Variants in SEC61G observed in about 807,000 individuals in gnomAD.
SEC61G encodes the protein SEC61 translocon subunit gamma.
A neutral mutation model predicts 7.5 loss-of-function variants in SEC61G; 4 were observed. The observed-to-expected ratio is 0.54, with a 90% CI of 0.26 to 1.22. The LOEUF is 1.22. Ranked by LOEUF, SEC61G falls within the 50% of genes most tolerant of loss-of-function variation. The probability of loss-of-function intolerance (pLI) is 0.12; values close to 1 mark genes in which losing one functional copy is unlikely to be tolerated. For missense variants in SEC61G, 53 were observed against 84.6 expected (o/e 0.63, Z 1.46); for synonymous variants, 24 against 24.4 (o/e 0.98, Z 0.05).
At chr7:54,757,969 C>A (rs141124218) in intron 1 of SEC61G, among the ~76,000 whole-genome samples, 1,576 of 152,250 alleles carry the variant, frequency 0.01, 26 homozygotes, top group African/African-American at 0.035. Flanking sequence ...GTCCCCTCAC[C>A]GCTCCTAAGG....
At position 54,752,435 on chromosome 7, in the gene SEC61G, A is replaced by C. The variant is rs1791432832; in HGVS notation, c.198-15T>G. 1 of 1,468,384 alleles carries C rather than the reference A, an allele frequency of 6.8e-7. No individual in the cohort carries two copies. The highest frequency in any genetic ancestry group is 9.3e-7 in the Non-Finnish European group (1 of 1,070,894). The allele number at this position is 1,468,384 out of a possible 1,614,324, so 91.0% of individuals were successfully genotyped here. A position where few individuals can be genotyped will look rare whatever the true frequency, so the allele number is the denominator to read the frequency against. On this transcript the variant is annotated splice_polypyrimidine_tract_variant and intron_variant, in intron 3 of 3. Coordinates refer to ENST00000352861, the MANE Select transcript of SEC61G (RefSeq NM_014302.4). ...TTCAGCCACCACTGTAAAAGAAAGA[A>C]AAATTATTACTTCTGAGCATAGATA...
Position 54,757,506 on chromosome 7 carries a change from G to C in SEC61G, c.83C>G (p.Pro28Arg). 6.2e-7 allele frequency: 1 copy of C among 1,613,572 alleles called. No individual in the cohort carries two copies. Among genetic ancestry groups the C allele is most frequent in the Admixed American group, 1.7e-5 (1 of 60,012 alleles). Residue 28 changes from proline (P) to arginine (R), a missense_variant, in exon 2 of 4, where the codon CCT (proline) becomes CGT (arginine). Physicochemically the swap from Pro to Arg is moderately radical, Grantham distance 103. Coordinates refer to ENST00000352861, the MANE Select transcript of SEC61G (RefSeq NM_014302.4). The part of the protein sequence containing the change: ...SIRLVKRCTK[P>R]DRKEFQKIAM... ...AGTCAAGCAATTACCTTTTCTATCA[G>C]GTTTAGTGCATCTTTTAACCAGCCG...
At chr7:54,752,547 A>C in intron 3 of SEC61G, 127 bp from the exon 4 acceptor site, 1 of 523,974 alleles carries the variant, frequency 1.9e-6, no homozygotes, top group Non-Finnish European at 3.3e-6. Flanking sequence ...ACCTAACTTC[A>C]TCTAAAGATG....
At chr7:54,758,379 T>C (rs1562770184) in intron 1 of SEC61G, among the ~76,000 whole-genome samples, 1 of 152,334 alleles carries the variant, frequency 6.6e-6, no homozygotes, top group South Asian at 2.1e-4. Context: ...TTTTCCTCCA[T>C]TTCCAGTACT....
intron 3 of SEC61G, among the ~76,000 whole-genome samples, chr7:54,753,225 G>A (rs1275273795): frequency 2.0e-5 from 3 of 151,988 alleles, no homozygotes; most frequent in Non-Finnish European, 4.4e-5. Context: ...CCTGGGAGGC[G>A]GAGGCTGCAA....
rs544856496 is a variant in SEC61G, at chr7:54,755,995, G to A, written c.95-114C>T. The A allele has an allele frequency of 1.9e-5, 9 of 481,218 alleles. No individual in the cohort carries two copies. In the South Asian group the frequency reaches 2.9e-4, roughly 15 times the overall value. 29.8% of individuals were successfully genotyped at this position (481,218 alleles called of 1,614,324 possible). A position where few individuals can be genotyped will look rare whatever the true frequency, so the allele number is the denominator to read the frequency against. On this transcript the variant is annotated intron_variant, in intron 2 of 3. Coordinates refer to ENST00000352861, the MANE Select transcript of SEC61G (RefSeq NM_014302.4). ...CTAGTATACATTTCTCCTGTTAATA[G>A]ATATATAATTTAAAAATAAAAAGGT...
chr7:54,755,694 C>A, intron 3 of SEC61G, 85 bp downstream of exon 3: 1 of 668,640 alleles, frequency 1.5e-6, no homozygotes, highest in Admixed American at 2.8e-5. Context: ...AGAGATGCAT[C>A]TCTATATTAA....
At chr7:54,757,655 T>C (rs1451320782) in intron 1 of SEC61G, 61 bp from the exon 2 acceptor site, 1 of 1,359,536 alleles carries the variant, frequency 7.4e-7, no homozygotes, top group Non-Finnish European at 1.0e-6. Context: ...CACTTGCTCA[T>C]TTATATAAAG....
At chr7:54,755,066 G>C (rs888813942) in intron 3 of SEC61G, 2 of 152,128 alleles carry the variant, frequency 1.3e-5, no homozygotes, top group Admixed American at 6.6e-5. Flanking sequence ...ATTGCTCAAT[G>C]CCACAAGGTG....
intron 3 of SEC61G, 143 bp from the exon 4 acceptor site, chr7:54,752,563 A>C: frequency 2.0e-6 from 1 of 507,340 alleles, no homozygotes; most frequent in South Asian, 4.1e-5. Context: ...AGATGGCATA[A>C]AAGAATGGCA....
At chr7:54,759,211 T>TG (rs764953944), upstream of SEC61G, 1 of 519,064 alleles carries the variant, frequency 1.9e-6, no homozygotes, top group East Asian at 5.4e-5. Context: ...AGCTTGCTGA[T>TG]GGAGGCCCAC....
chr7:54,756,142 A>T (rs1436566148), intron 2 of SEC61G, among the ~76,000 whole-genome samples: 1 of 152,210 alleles, frequency 6.6e-6, no homozygotes, highest in African/African-American at 2.4e-5. Context: ...AGTACTAAAA[A>T]TATTTTTTCT....
chr7:54,753,683 A>T (rs1010414926), intron 3 of SEC61G, among the ~76,000 whole-genome samples: 4 of 152,210 alleles, frequency 2.6e-5, no homozygotes, highest in African/African-American at 9.7e-5. Context: ...GTTAAGGTAA[A>T]AAATATCTAA....
chr7:54,756,965 CTATATATACTATAT>C (rs1030502845), intron 2 of SEC61G, among the ~76,000 whole-genome samples: 20 of 139,946 alleles, frequency 1.4e-4, no homozygotes, highest in African/African-American at 5.0e-4. Flanking sequence ...ATACTATATA[CTATATATACTATAT>C]ACTATATACT....
At chr7:54,757,731 C>A in intron 1 of SEC61G, 137 bp from the exon 2 acceptor site, 1 of 599,036 alleles carries the variant, frequency 1.7e-6, no homozygotes, top group Non-Finnish European at 2.8e-6. Flanking sequence ...TAAAATAAAA[C>A]AAAAAACAAA....
In SEC61G at chr7:54,759,180, G is replaced by A. The variant is rs775284590; in HGVS notation, c.-29C>T. On this transcript the variant is annotated 5_prime_UTR_variant, in exon 1 of 4. Coordinates refer to ENST00000352861, the MANE Select transcript of SEC61G (RefSeq NM_014302.4). ...CACCTACCCAACCGACACCTAAAATGCCAGGGACACGTAGCACTGGAGCTT... is the reference window on the plus strand; with the variant it reads ...CACCTACCCAACCGACACCTAAAATACCAGGGACACGTAGCACTGGAGCTT... The A allele has an allele frequency of 1.2e-5, 6 of 518,930 alleles. No individual in the cohort carries two copies. The highest frequency in any genetic ancestry group is 5.4e-5 in the East Asian group (1 of 18,358). The allele number at this position is 518,930 out of a possible 1,614,324, so 32.1% of individuals were successfully genotyped here.
chr7:54,757,592 T>A lies in SEC61G; in HGVS notation c.-4A>T. ...CAAACTGCATTACCTGATCCATGACTGCCTGTTTAAAACAAAAAAGATACT... is the reference window on the plus strand; with the variant it reads ...CAAACTGCATTACCTGATCCATGACAGCCTGTTTAAAACAAAAAAGATACT... On this transcript the variant is annotated splice_region_variant and 5_prime_UTR_variant, in exon 2 of 4. Coordinates refer to ENST00000352861, the MANE Select transcript of SEC61G (RefSeq NM_014302.4). 2 of 1,613,524 alleles carry A rather than the reference T, an allele frequency of 1.2e-6. No homozygotes were observed. The highest frequency in any genetic ancestry group is 1.1e-5 in the South Asian group (1 of 91,028).
chr7:54,758,695 G>A (rs752906851), intron 1 of SEC61G, among the ~76,000 whole-genome samples: 2 of 152,126 alleles, frequency 1.3e-5, no homozygotes, highest in East Asian at 1.9e-4. Context: ...TCAATGTCAG[G>A]GGTAGAGATC....
intron 3 of SEC61G, among the ~76,000 whole-genome samples, chr7:54,754,065 A>T (rs1791462092): frequency 6.6e-6 from 1 of 152,194 alleles, no homozygotes; most frequent in African/African-American, 2.4e-5. Context: ...CCTGCCTCAC[A>T]ACTCATAATC....
Sources: allele counts gnomAD v4.1 joint callset (sites outside exome capture counted in the v4.1 genomes callset), GRCh38; gene constraint gnomAD v4.1.1; transcripts MANE v1.5; gene names NCBI Gene and HGNC (gene_info 2026-07-23, HGNC 2026-07-21).